The following WDPCP variants were observed in gnomAD, a reference collection of about 807,000 sequenced individuals.
The protein encoded by WDPCP is WD repeat containing planar cell polarity effector.
WDPCP carries 71 observed loss-of-function variants against 93.1 expected under a neutral mutation model. The observed-to-expected ratio is 0.76, with a 90% CI of 0.63 to 0.93. The LOEUF is 0.93. Ranked by LOEUF, WDPCP falls within the 40% of genes least tolerant of loss-of-function variation. The pLI, the probability that WDPCP is intolerant of heterozygous loss-of-function variation, is 0.00. For synonymous variants in WDPCP, 315 were observed against 315.0 expected (o/e 1.00, Z 0.00); for missense variants, 844 against 887.4 (o/e 0.95, Z 0.62).
chr2:63,800,791 G>A (rs1370709531), intron 2 of WDPCP, among the ~76,000 whole-genome samples: 1 of 152,116 alleles, frequency 6.6e-6, no homozygotes, highest in Admixed American at 6.5e-5. Context: ...CATGGCTCAC[G>A]CCTGTAATCC....
At chr2:63,415,175 A>G (rs916339078) in intron 9 of WDPCP, among the ~76,000 whole-genome samples, 3 of 152,186 alleles carry the variant, frequency 2.0e-5, no homozygotes, top group African/African-American at 7.2e-5. Context: ...CCACCTGGGC[A>G]ACTTAGCAAG....
intron 9 of WDPCP, among the ~76,000 whole-genome samples, chr2:63,414,832 AC>A (rs1280125906): frequency 2.6e-5 from 4 of 152,160 alleles, no homozygotes; most frequent in Non-Finnish European, 4.4e-5. Context: ...TAAAGAACTT[AC>A]TCATATAACC....
chr2:63,717,270 G>C (rs1193852738), intron 2 of WDPCP: 1 of 543,904 alleles, frequency 1.8e-6, no homozygotes, highest in Non-Finnish European at 3.7e-6. Flanking sequence ...CCAGAATTAA[G>C]ACCTTCAGGC....
chr2:63,188,117 T>G (rs1674775185), intron 14 of WDPCP, among the ~76,000 whole-genome samples: 1 of 152,208 alleles, frequency 6.6e-6, no homozygotes, highest in Admixed American at 6.5e-5. Flanking sequence ...GGTTTCAAGA[T>G]TCTTCCTTTG....
chr2:63,484,573 AACACT>A, intron 6 of WDPCP, 26 bp downstream of exon 6: 1 of 1,612,144 alleles, frequency 6.2e-7, no homozygotes, highest in Non-Finnish European at 8.5e-7. Context: ...CCATTGGTTA[AACACT>A]GCAAAGGCTT....
At chr2:63,429,589 T>C (rs1465685918) in intron 9 of WDPCP, among the ~76,000 whole-genome samples, 2 of 152,142 alleles carry the variant, frequency 1.3e-5, no homozygotes, top group Non-Finnish European at 2.9e-5. Flanking sequence ...GAAAGAATGC[T>C]CATAATCACT....
intron 2 of WDPCP, among the ~76,000 whole-genome samples, chr2:63,764,904 G>A (rs952973834): frequency 6.6e-6 from 1 of 152,168 alleles, no homozygotes; most frequent in African/African-American, 2.4e-5. Context: ...TTTGGATGGG[G>A]TAGAGTAGGA....
At chr2:63,351,454 T>C (rs985544746) in intron 12 of WDPCP, among the ~76,000 whole-genome samples, 40 of 151,968 alleles carry the variant, frequency 2.6e-4, no homozygotes, top group African/African-American at 9.4e-4. Flanking sequence ...TAGTCCACAG[T>C]GTCTGTCGTT....
At chr2:63,587,532 CAG>C (rs1348258129) in intron 1 of WDPCP, among the ~76,000 whole-genome samples, 2 of 152,138 alleles carry the variant, frequency 1.3e-5, no homozygotes, top group African/African-American at 4.8e-5. Flanking sequence ...TTATCAGTGA[CAG>C]AGAAAAAACG....
At position 63,284,979 on chromosome 2, in the gene WDPCP, T is replaced by C. The variant is rs767685758; in HGVS notation, c.1813-25570A>G. On this transcript the variant is annotated intron_variant, in intron 13 of 17. Coordinates refer to ENST00000272321, the MANE Select transcript of WDPCP (RefSeq NM_015910.7). Reference sequence around the variant, plus strand: ...CTAATAAACCAAAATAGAAGGTAAATTGGAATACCAAACAAAACAAAACAA... The same window carrying C: ...CTAATAAACCAAAATAGAAGGTAAACTGGAATACCAAACAAAACAAAACAA... Among the ~76,000 whole-genome samples the C allele has an allele frequency of 2.6e-5, 4 of 151,752 alleles. No individual in the cohort carries two copies. The South Asian group carries it at 6.2e-4, about 24-fold the overall frequency.
intron 3 of WDPCP, chr2:63,643,342 G>A: frequency 2.6e-6 from 1 of 388,124 alleles, no homozygotes; most frequent in Non-Finnish European, 4.9e-6. Context: ...CTTTCCTCAG[G>A]GAGGAGAAGT....
At chr2:63,531,802 C>T (rs1703873621) in intron 1 of WDPCP, among the ~76,000 whole-genome samples, 1 of 152,202 alleles carries the variant, frequency 6.6e-6, no homozygotes, top group South Asian at 2.1e-4. Flanking sequence ...ACCACCTCCT[C>T]TCCTCCAAAG....
intron 2 of WDPCP, among the ~76,000 whole-genome samples, chr2:63,716,707 C>T (rs1405916886): frequency 6.6e-6 from 1 of 152,114 alleles, no homozygotes; most frequent in African/African-American, 2.4e-5. Flanking sequence ...TGATGCACTG[C>T]CCCATGAGGA....
chr2:63,329,781 A>G (rs566256272), intron 12 of WDPCP, among the ~76,000 whole-genome samples: 3 of 152,156 alleles, frequency 2.0e-5, no homozygotes, highest in Non-Finnish European at 2.9e-5. Flanking sequence ...GGTAACCACC[A>G]TCCTATTCTG....
At chr2:63,363,061 A>AT (rs557182798) in intron 12 of WDPCP, among the ~76,000 whole-genome samples, 83 of 151,778 alleles carry the variant, frequency 5.5e-4, no homozygotes, top group Non-Finnish European at 8.4e-4. Flanking sequence ...ACTTATTTAG[A>AT]TTTTTTTTTA....
At chr2:63,718,106 GATATGATAT>G (rs1258106884) in intron 2 of WDPCP, among the ~76,000 whole-genome samples, 1 of 151,862 alleles carries the variant, frequency 6.6e-6, no homozygotes. Flanking sequence ...ATAAATATAT[GATATGATAT>G]ATATGATATA....
At chr2:63,209,969 G>A (rs1055741658) in intron 14 of WDPCP, among the ~76,000 whole-genome samples, 15 of 152,238 alleles carry the variant, frequency 9.9e-5, no homozygotes, top group African/African-American at 3.6e-4. Flanking sequence ...AATATGTACT[G>A]TGTTAAGATT....
chr2:63,526,966 A>C (rs1703384065), intron 1 of WDPCP, among the ~76,000 whole-genome samples: 1 of 152,242 alleles, frequency 6.6e-6, no homozygotes, highest in African/African-American at 2.4e-5. Context: ...GATTAGGGAA[A>C]AGAACACACA....
chr2:63,274,710 A>C (rs911438211), intron 13 of WDPCP, among the ~76,000 whole-genome samples: 3 of 152,170 alleles, frequency 2.0e-5, no homozygotes, highest in Non-Finnish European at 4.4e-5. Context: ...CCTACAGGAA[A>C]TGCATAAGTT....
Sources: gnomAD v4.1 joint callset for allele counts (sites outside exome capture counted in the v4.1 genomes callset) on GRCh38, gnomAD v4.1.1 for gene constraint, MANE v1.5 for transcripts, NCBI Gene and HGNC (gene_info 2026-07-23, HGNC 2026-07-21) for gene names.